PCDHGA2: variants seen among roughly 807,000 people sequenced by gnomAD.
PCDHGA2 encodes the protein protocadherin gamma-A2.
A neutral mutation model predicts 59.2 loss-of-function variants in PCDHGA2; 40 were observed. The ratio of observed to expected loss-of-function variants is 0.68; its 90% CI spans 0.52 to 0.88. PCDHGA2 has a LOEUF of 0.88. Ranked by LOEUF, PCDHGA2 falls within the 40% of genes least tolerant of loss-of-function variation. PCDHGA2 has a pLI of 0.00. For synonymous variants in PCDHGA2, 560 were observed against 526.0 expected, an observed-to-expected ratio of 1.06 and a Z score of -0.89; for missense variants, 1,226 against 1,204.0, an observed-to-expected ratio of 1.02 and a Z score of -0.27.
intron 1 of PCDHGA2, chr5:141,346,155 G>A (rs753087531): frequency 6.8e-6 from 11 of 1,613,870 alleles, no homozygotes; most frequent in Non-Finnish European, 9.3e-6. Flanking sequence ...CCTGGCCTTC[G>A]TCATCGTGCT....
In PCDHGA2 at chr5:141,340,682, G is replaced by A; in HGVS notation, c.1711G>A (p.Gly571Ser). 1 of 1,614,210 alleles carries A rather than the reference G, an allele frequency of 6.2e-7. No individual in the cohort carries two copies. Among genetic ancestry groups the A allele is most frequent in the East Asian group, 2.2e-5 (1 of 44,872 alleles). Residue 571 changes from glycine to serine, a missense_variant, in exon 1 of 4, where the codon GGT becomes AGT. Physicochemically the swap from Gly to Ser is moderately conservative, Grantham distance 56. Coordinates refer to ENST00000394576, the MANE Select transcript of PCDHGA2 (RefSeq NM_018915.4). The stretch of plus-strand genomic sequence containing the variant: ...CCTGTACCCTGCCTTCCCCACAGAC[G>A]GTTCCACTGGCGTGGAGCTGGCGCC... ...EILYPAFPTD[G>S]STGVELAPRS...
At position 141,477,961 on chromosome 5, in the gene PCDHGA2, C is replaced by T. The variant is rs199947431; in HGVS notation, c.2425-16846C>T. 21 of 1,614,048 alleles carry T rather than the reference C, an allele frequency of 1.3e-5. No homozygotes were observed. The Admixed American group carries it at 1.5e-4, about 12-fold the overall frequency. On this transcript the variant is annotated intron_variant, in intron 1 of 3. Coordinates refer to ENST00000394576, the MANE Select transcript of PCDHGA2 (RefSeq NM_018915.4). The surrounding 1 kb of genome is among the most constrained non-coding windows in gnomAD (Gnocchi z 4.9). Reference sequence around the variant, plus strand: ...CCTACAGTCTCTTGGGATCCCCTAACCAGAGCCTTTTTGCCATAGGGCTGC... The same window carrying T: ...CCTACAGTCTCTTGGGATCCCCTAATCAGAGCCTTTTTGCCATAGGGCTGC...
chr5:141,353,604 A>C (rs1305841029), intron 1 of PCDHGA2, among the ~76,000 whole-genome samples: 1 of 152,204 alleles, frequency 6.6e-6, no homozygotes, highest in East Asian at 1.9e-4. Context: ...TTTCTTAACC[A>C]TTCCTAAATT....
rs1399077321 is a variant in PCDHGA2, at chr5:141,474,090, AAAC to A, written c.2425-20708_2425-20706del. Among the ~76,000 whole-genome samples the A allele has an allele frequency of 2.6e-5, 4 of 152,206 alleles. No individual in the cohort carries two copies. In the East Asian group the frequency reaches 5.8e-4, roughly 22 times the overall value. On this transcript the variant is annotated intron_variant, in intron 1 of 3. Coordinates refer to ENST00000394576, the MANE Select transcript of PCDHGA2 (RefSeq NM_018915.4). ...GCCTCAGAAACAAAAACCAAAAAAC[AAAC>A]AACAACAAAAACAACAACAACGAAA...
chr5:141,450,468 A>G (rs1187171122), intron 1 of PCDHGA2, among the ~76,000 whole-genome samples: 2 of 151,696 alleles, frequency 1.3e-5, no homozygotes, highest in African/African-American at 4.9e-5. Flanking sequence ...TTTTATATAT[A>G]GAGTTTGTTT....
intron 1 of PCDHGA2, chr5:141,343,750 G>A: frequency 5.8e-6 from 2 of 341,884 alleles, no homozygotes; most frequent in Non-Finnish European, 1.0e-5. Context: ...ATGTGTCTGA[G>A]AGGATGCAGT....
Position 141,418,242 on chromosome 5 carries a change from A to T in PCDHGA2, c.2425-76565A>T, listed in dbSNP as rs779996033. ...ATTGTGGTGATTGAGGATGTTAATG[A>T]CCACGCCCCTCAATTCCGGAAAGAT... On this transcript the variant is annotated intron_variant, in intron 1 of 3. Transcript: ENST00000394576. The T allele has an allele frequency of 3.7e-6, 6 of 1,613,896 alleles. No individual in the cohort carries two copies. The East Asian group carries it at 1.3e-4, about 36-fold the overall frequency.
At chr5:141,405,868 C>T (rs528188485) in intron 1 of PCDHGA2, among the ~76,000 whole-genome samples, 1 of 152,280 alleles carries the variant, frequency 6.6e-6, no homozygotes, top group Non-Finnish European at 1.5e-5. Context: ...TCACTTTTCA[C>T]TGGGCCTAAT....
chr5:141,376,609 C>A, intron 1 of PCDHGA2: 3 of 1,478,318 alleles, frequency 2.0e-6, no homozygotes, highest in Non-Finnish European at 2.8e-6. Flanking sequence ...AGAAGCGAAC[C>A]TCTTTTGGTA....
Position 141,491,009 on chromosome 5 carries a change from C to A in PCDHGA2, c.2425-3798C>A. On this transcript the variant is annotated intron_variant, in intron 1 of 3. Transcript: ENST00000394576. This position sits in a 1 kb window ranked among gnomAD's most constrained non-coding sequence, Gnocchi z 6.9. ...TCTGCTCCTCCTGGCTCCTTGGTCA[C>A]CAAGGTGACAGCCGTGGATGCTGAT... 4 of 1,614,140 alleles carry A rather than the reference C, an allele frequency of 2.5e-6. No homozygotes were observed. Among genetic ancestry groups the A allele is most frequent in the Non-Finnish European group, 3.4e-6 (4 of 1,180,038 alleles).
intron 1 of PCDHGA2, chr5:141,410,406 C>A (rs1361000460): frequency 6.2e-7 from 1 of 1,614,050 alleles, no homozygotes; most frequent in Non-Finnish European, 8.5e-7. Flanking sequence ...TGTGTCAAGT[C>A]TGGACCTGTA....
intron 1 of PCDHGA2, chr5:141,418,840 C>T: frequency 6.2e-7 from 1 of 1,614,006 alleles, no homozygotes; most frequent in Middle Eastern, 1.6e-4. Context: ...GAGGATCTCT[C>T]TCAACACGGT....
At chr5:141,366,517 C>A (rs1764609891) in intron 1 of PCDHGA2, 1 of 1,614,130 alleles carries the variant, frequency 6.2e-7, no homozygotes, top group Admixed American at 1.7e-5. Flanking sequence ...AGGCTGAAGG[C>A]AGCAGGTTGG....
intron 1 of PCDHGA2, among the ~76,000 whole-genome samples, chr5:141,457,900 A>C (rs2098931922): frequency 6.7e-6 from 1 of 149,818 alleles, no homozygotes; most frequent in Admixed American, 6.6e-5. Context: ...CTGTGTAGAC[A>C]AGGTGTGAGG....
At position 141,420,019 on chromosome 5, in the gene PCDHGA2, C is replaced by T. The variant is rs2096459006; in HGVS notation, c.2425-74788C>T. 13 of 1,614,072 alleles carry T rather than the reference C, an allele frequency of 8.1e-6. No homozygotes were observed. In the East Asian group the frequency reaches 2.7e-4, roughly 33 times the overall value. On this transcript the variant is annotated intron_variant, in intron 1 of 3. Coordinates refer to ENST00000394576, the MANE Select transcript of PCDHGA2 (RefSeq NM_018915.4). ...CTCTACGCCTGCGACAGTCTTTCAGCCCTACTGCAGGAGACTGCTTTGAGT... is the reference window on the plus strand; with the variant it reads ...CTCTACGCCTGCGACAGTCTTTCAGTCCTACTGCAGGAGACTGCTTTGAGT...
intron 2 of PCDHGA2, among the ~76,000 whole-genome samples, chr5:141,501,334 C>T (rs1462003251): frequency 6.9e-6 from 1 of 145,376 alleles, no homozygotes; most frequent in Non-Finnish European, 1.5e-5. Context: ...CACACACACA[C>T]CCCAAACTCA....
intron 1 of PCDHGA2, chr5:141,408,161 C>T: frequency 2.0e-6 from 3 of 1,517,698 alleles, no homozygotes; most frequent in Non-Finnish European, 2.7e-6. Context: ...TGCACTTTCT[C>T]CAACTGGAAA....
intron 1 of PCDHGA2, chr5:141,421,938 T>C (rs777643980): frequency 2.9e-5 from 46 of 1,613,346 alleles, no homozygotes; most frequent in Non-Finnish European, 3.5e-5. Context: ...TCGATGTAAA[T>C]GATCACATCC....
intron 1 of PCDHGA2, chr5:141,427,677 C>T: frequency 1.2e-6 from 1 of 816,672 alleles, no homozygotes; most frequent in Non-Finnish European, 2.1e-6. Flanking sequence ...AAACAACCTT[C>T]CCGGAGCCTC....
Sources: allele counts gnomAD v4.1 joint callset (sites outside exome capture counted in the v4.1 genomes callset), GRCh38; gene constraint gnomAD v4.1.1; non-coding constraint Gnocchi (gnomAD v3.1); transcripts MANE v1.5; gene names NCBI Gene and HGNC (gene_info 2026-07-23, HGNC 2026-07-21).